GDA: variants seen among roughly 807,000 people sequenced by gnomAD.
GDA encodes guanine deaminase, also known as cytoplasmic PSD-95 interactor.
Under a neutral mutation model 59.6 loss-of-function variants are expected in GDA, and 18 were observed. The ratio of observed to expected loss-of-function variants is 0.30; its 90% confidence interval spans 0.21 to 0.45. The LOEUF (loss-of-function observed/expected upper bound fraction) is 0.45, where lower values mean the gene tolerates loss of function less well. GDA is among the 20% of genes least tolerant of loss of function. The pLI, the probability that GDA is intolerant of heterozygous loss-of-function variation, is 1.00. For synonymous variants in GDA, 201 were observed against 201.1 expected (o/e 1.00, Z 0.00); for missense variants, 427 against 552.3 (o/e 0.77, Z 2.27).
intron 4 of GDA, among the ~76,000 whole-genome samples, chr9:72,213,532 G>C (rs181970031): frequency 6.6e-6 from 1 of 151,722 alleles, no homozygotes; most frequent in African/African-American, 2.4e-5. Context: ...GGCCGGGCGC[G>C]GTGGCTCACG....
downstream of GDA, among the ~76,000 whole-genome samples, chr9:72,256,792 C>T (rs11143202): frequency 0.044 from 6,704 of 152,176 alleles, 215 homozygotes; most frequent in African/African-American, 0.076. Flanking sequence ...CAAGAATTTG[C>T]ATTACCAACA....
intron 4 of GDA, 129 bp from the exon 5 acceptor site, chr9:72,213,757 T>C (rs895230286): frequency 1.9e-5 from 10 of 529,116 alleles, no homozygotes; most frequent in African/African-American, 8.0e-5. Context: ...GAGCCGAGAT[T>C]GCGCCACTGC....
rs150209773 is a variant in GDA, at chr9:72,124,163, T to G, written c.-100+9330T>G. Among the ~76,000 whole-genome samples, 4 of 152,324 alleles carry G rather than the reference T, an allele frequency of 2.6e-5. No individual in the cohort carries two copies. In the East Asian group the frequency reaches 7.7e-4, roughly 29 times the overall value. ...AAGAAAAGAACTTTTCCAGGCTATATAGTGGAAACCACCTATGCCCTTTAC... is the reference window on the plus strand; with the variant it reads ...AAGAAAAGAACTTTTCCAGGCTATAGAGTGGAAACCACCTATGCCCTTTAC... On this transcript the variant is annotated intron_variant, in intron 1 of 13. Transcript: ENST00000545168.
intron 1 of GDA, among the ~76,000 whole-genome samples, chr9:72,193,127 TG>T (rs1326477030): frequency 1.3e-5 from 2 of 151,982 alleles, no homozygotes; most frequent in East Asian, 3.9e-4. Flanking sequence ...GATTAATCCC[TG>T]GTACTTTATT....
chr9:72,221,587 A>G (rs1370574955), intron 6 of GDA, among the ~76,000 whole-genome samples: 1 of 152,218 alleles, frequency 6.6e-6, no homozygotes, highest in Non-Finnish European at 1.5e-5. Flanking sequence ...TCAGGGGTAC[A>G]TATGCAGGTT....
At chr9:72,115,221 C>T (rs1825395394) in intron 1 of GDA, among the ~76,000 whole-genome samples, 1 of 152,160 alleles carries the variant, frequency 6.6e-6, no homozygotes, top group South Asian at 2.1e-4. Flanking sequence ...ACAGCTCAAG[C>T]CATTCTCAAA....
intron 1 of GDA, among the ~76,000 whole-genome samples, chr9:72,115,085 A>G (rs1587280354): frequency 6.6e-6 from 1 of 152,364 alleles, no homozygotes; most frequent in East Asian, 1.9e-4. Flanking sequence ...ATAAAGGCCC[A>G]GAAAATTAAG....
intron 1 of GDA, among the ~76,000 whole-genome samples, chr9:72,126,832 G>T (rs948944751): frequency 6.6e-6 from 1 of 152,082 alleles, no homozygotes; most frequent in Non-Finnish European, 1.5e-5. Context: ...CTCCGAAAGT[G>T]TTGGGATTAC....
In GDA at chr9:72,199,391, C is replaced by T. The variant is rs1833644246; in HGVS notation, c.213-3180C>T. 2.0e-5 allele frequency among the ~76,000 whole-genome samples: 3 copies of T among 152,166 alleles called. No homozygotes were observed. The South Asian group carries it at 6.2e-4, about 31-fold the overall frequency. ...GTAACTTTTCTGGGTAAAAAAATCA[C>T]ACTTCAGATGCAATAAATCCTTGCG... On this transcript the variant is annotated intron_variant, in intron 2 of 13. Transcript: ENST00000358399.
At position 72,187,655 on chromosome 9, in the gene GDA, T is replaced by C. The variant is rs556969513; in HGVS notation, c.124-7845T>C. 1.0e-3 allele frequency among the ~76,000 whole-genome samples: 153 copies of C among 152,318 alleles called. 1 individual carries two copies. The highest frequency in any genetic ancestry group is 3.5e-3 in the African/African-American group (144 of 41,570). ...TTGGAACTGGGCAATGAGTAAAGGC[T>C]GGAAGAATTTGGAGAAGCAGGCTAG... On this transcript the variant is annotated intron_variant, in intron 1 of 13. Coordinates refer to ENST00000358399, the MANE Select transcript of GDA (RefSeq NM_004293.5).
At chr9:72,171,001 G>C (rs1829907797) in intron 1 of GDA, among the ~76,000 whole-genome samples, 1 of 152,082 alleles carries the variant, frequency 6.6e-6, no homozygotes, top group South Asian at 2.1e-4. Flanking sequence ...ATATTTTTTA[G>C]TGACTGGGTT....
At chr9:72,192,965 C>G (rs1832735184) in intron 1 of GDA, among the ~76,000 whole-genome samples, 1 of 152,050 alleles carries the variant, frequency 6.6e-6, no homozygotes, top group Non-Finnish European at 1.5e-5. Flanking sequence ...CAGGATTTTT[C>G]CTTGATTCTT....
chr9:72,259,467 G>A (rs1209412820), downstream of GDA, among the ~76,000 whole-genome samples: 1 of 152,196 alleles, frequency 6.6e-6, no homozygotes, highest in African/African-American at 2.4e-5. Flanking sequence ...AGGCTTTTTT[G>A]TGGTTAGTTG....
chr9:72,202,872 T>C (rs1280475004), intron 3 of GDA, 130 bp downstream of exon 3: 2 of 678,228 alleles, frequency 2.9e-6, no homozygotes, highest in African/African-American at 3.7e-5. Context: ...TTTTTAAGTT[T>C]CTTTTTCACA....
chr9:72,157,826 C>T (rs552127350), intron 1 of GDA, among the ~76,000 whole-genome samples: 1 of 152,308 alleles, frequency 6.6e-6, no homozygotes, highest in Non-Finnish European at 1.5e-5. Context: ...CTTTCTGTTG[C>T]TTCATTTATC....
chr9:72,236,114 T>C (rs953255704), intron 10 of GDA, among the ~76,000 whole-genome samples: 5 of 152,210 alleles, frequency 3.3e-5, no homozygotes, highest in East Asian at 1.9e-4. Context: ...TCAGAGTACA[T>C]CACTATAATC....
At chr9:72,210,454 G>A (rs1175053633) in intron 3 of GDA, among the ~76,000 whole-genome samples, 1 of 152,120 alleles carries the variant, frequency 6.6e-6, no homozygotes, top group Non-Finnish European at 1.5e-5. Context: ...AATGAATTCT[G>A]AAGCACAGAA....
rs190042068 is a variant in GDA at position 72,223,134 on chromosome 9, G to A, written c.621G>A (p.Lys207=). The A allele has an allele frequency of 6.3e-6, 10 of 1,585,928 alleles. No homozygotes were observed. The East Asian group carries it at 2.2e-4, about 35-fold the overall frequency. ...EMLQKNYSRV[K]PIVTPRFSLS... ...ATTATCTCCAGTATTCTAGAGTGAA[G>A]CCCATAGTGACACCACGTTTTTCCC... The change falls in exon 7 of 14, where the codon AAG becomes AAA. Residue 207 remains lysine, a synonymous_variant. Coordinates refer to ENST00000358399, the MANE Select transcript of GDA (RefSeq NM_004293.5).
intron 5 of GDA, among the ~76,000 whole-genome samples, chr9:72,217,507 T>G (rs766967622): frequency 3.3e-5 from 5 of 152,254 alleles, no homozygotes; most frequent in Non-Finnish European, 7.3e-5. Flanking sequence ...TTCTTCCTAT[T>G]TGCCAAGGTC....
Sources: allele counts gnomAD v4.1 joint callset (sites outside exome capture counted in the v4.1 genomes callset), GRCh38; gene constraint gnomAD v4.1.1; transcripts MANE v1.5; gene names NCBI Gene and HGNC (gene_info 2026-07-23, HGNC 2026-07-21).